STK24: variants seen among roughly 807,000 people sequenced by gnomAD.
The protein encoded by STK24 is serine/threonine-protein kinase 24.
In STK24, 21 loss-of-function variants were observed where a neutral mutation model predicts 55.6. The observed-to-expected ratio is 0.38, with a 90% CI of 0.27 to 0.54. The LOEUF (loss-of-function observed/expected upper bound fraction) is 0.54, where lower values mean the gene tolerates loss of function less well. Ranked by LOEUF, STK24 falls within the 20% of genes least tolerant of loss-of-function variation. The pLI is 0.79. For missense variants in STK24, 383 were observed against 538.4 expected, an observed-to-expected ratio of 0.71 and a Z score of 2.86; for synonymous variants, 200 against 215.2, an observed-to-expected ratio of 0.93 and a Z score of 0.62.
At chr13:98,486,204 TA>T (rs5806065) in intron 2 of STK24, among the ~76,000 whole-genome samples, 69,865 of 145,986 alleles carry the variant, frequency 0.48, 16,942 homozygotes, top group African/African-American at 0.58. Flanking sequence ...TTAAAAGTAT[TA>T]AAAAAAAAAA....
chr13:98,546,843 C>T (rs1897039792), intron 1 of STK24, among the ~76,000 whole-genome samples: 1 of 152,200 alleles, frequency 6.6e-6, no homozygotes, highest in Non-Finnish European at 1.5e-5. Context: ...GTTACTCACA[C>T]CTGAATCTCT....
intron 1 of STK24, among the ~76,000 whole-genome samples, chr13:98,525,751 A>C (rs1223202887): frequency 6.6e-6 from 1 of 152,232 alleles, no homozygotes; most frequent in East Asian, 1.9e-4. Context: ...CTCTGAGGAA[A>C]GGGTTCAGGG....
intron 1 of STK24, among the ~76,000 whole-genome samples, chr13:98,534,147 C>T (rs766332449): frequency 4.6e-5 from 7 of 152,206 alleles, no homozygotes; most frequent in East Asian, 1.9e-4. Context: ...CCAGCACCCC[C>T]GGAGTCCCCA....
At chr13:98,538,465 TCCTCCCGCCTTGG>T (rs1205975448) in intron 1 of STK24, among the ~76,000 whole-genome samples, 4 of 151,970 alleles carry the variant, frequency 2.6e-5, no homozygotes, top group African/African-American at 7.3e-5. Flanking sequence ...CCTCAGGTGA[TCCTCCCGCCTTGG>T]CCTCCCAAAG....
intron 1 of STK24, among the ~76,000 whole-genome samples, chr13:98,550,360 G>C (rs1897129816): frequency 6.6e-6 from 1 of 152,118 alleles, no homozygotes; most frequent in Non-Finnish European, 1.5e-5. Flanking sequence ...GCAACATAGG[G>C]GGAACCTGTC....
At chr13:98,553,545 T>A (rs1157891270) in intron 1 of STK24, 1 of 173,564 alleles carries the variant, frequency 5.8e-6, no homozygotes, top group East Asian at 1.6e-4. Context: ...TTTTTCCAGT[T>A]CTGTTCTGAG....
rs371849583 is a variant in STK24 at position 98,563,336 on chromosome 13, G to A, written c.42+13409C>T. On this transcript the variant is annotated intron_variant, in intron 1 of 10. Coordinates refer to ENST00000539966, the MANE Select transcript of STK24 (RefSeq NM_001032296.4). ...TAAACACAGGCAGTTGGGGGACCGA[G>A]GCCAGGAAATGCAAGTAGTTTCACT... 5.3e-5 allele frequency among the ~76,000 whole-genome samples: 8 copies of A among 152,232 alleles called. No individual in the cohort carries two copies. The East Asian group carries it at 1.4e-3, about 26-fold the overall frequency.
intron 5 of STK24, among the ~76,000 whole-genome samples, chr13:98,473,054 G>A (rs543089546): frequency 4.0e-5 from 6 of 151,454 alleles, no homozygotes; most frequent in South Asian, 4.2e-4. Flanking sequence ...AACACAGCAC[G>A]CTTGCTCCTA....
intron 1 of STK24, chr13:98,542,713 T>G (rs900739849): frequency 2.1e-6 from 1 of 465,918 alleles, no homozygotes; most frequent in Non-Finnish European, 2.8e-6. Context: ...TAGTCCCTTG[T>G]TCCTGGAGTG....
At chr13:98,564,898 G>A (rs554352036) in intron 1 of STK24, among the ~76,000 whole-genome samples, 1 of 152,212 alleles carries the variant, frequency 6.6e-6, no homozygotes, top group Admixed American at 6.5e-5. Context: ...AAGGTTCCAA[G>A]GTCAAAAAGA....
At chr13:98,569,904 T>C (rs545249586) in intron 1 of STK24, among the ~76,000 whole-genome samples, 179 of 140,382 alleles carry the variant, frequency 1.3e-3, no homozygotes, top group African/African-American at 4.6e-3. Context: ...TGAGATGGAG[T>C]TTCACTCTGT....
Position 98,450,961 on chromosome 13 carries a change from G to C in STK24, c.*2212C>G, listed in dbSNP as rs535245836. On this transcript the variant is annotated 3_prime_UTR_variant, in exon 11 of 11. Transcript: ENST00000539966. Reference sequence around the variant, plus strand: ...CCCACCTCCCCCGACAGGAAATGCTGCCAGTCAACTCTAAAAGAACCACTT... The same window carrying C: ...CCCACCTCCCCCGACAGGAAATGCTCCCAGTCAACTCTAAAAGAACCACTT... 3 of 152,374 alleles carry C rather than the reference G, an allele frequency of 2.0e-5. No homozygotes were observed. Among genetic ancestry groups the C allele is most frequent in the African/African-American group, 7.2e-5 (3 of 41,574 alleles). 9.4% of individuals were successfully genotyped at this position (152,374 alleles called of 1,614,324 possible).
chr13:98,576,360 C>T (rs1005170420), intron 1 of STK24: 6 of 352,092 alleles, frequency 1.7e-5, no homozygotes, highest in Non-Finnish European at 2.4e-5. Context: ...CCGGCCACCA[C>T]GCAGGGCCCC....
At chr13:98,546,919 GTTTGTTTT>G (rs1897043712) in intron 1 of STK24, among the ~76,000 whole-genome samples, 3 of 151,464 alleles carry the variant, frequency 2.0e-5, no homozygotes, top group African/African-American at 7.3e-5. Flanking sequence ...TTGTTTGTTT[GTTTGTTTT>G]TGAGATGGAG....
intron 10 of STK24, chr13:98,454,978 C>T (rs1443652238): frequency 6.6e-6 from 1 of 152,232 alleles, no homozygotes; most frequent in Non-Finnish European, 1.5e-5. Context: ...TAGCTACAGA[C>T]CCGCCCGAGG....
intron 5 of STK24, among the ~76,000 whole-genome samples, chr13:98,467,951 T>C: frequency 6.6e-6 from 1 of 152,218 alleles, no homozygotes; most frequent in East Asian, 1.9e-4. Context: ...CTGAGTCTGG[T>C]ACAGCTTTCC....
intron 2 of STK24, among the ~76,000 whole-genome samples, chr13:98,518,722 A>C (rs953928921): frequency 2.6e-4 from 39 of 152,308 alleles, no homozygotes; most frequent in African/African-American, 9.4e-4. Context: ...TTTGTGTCAT[A>C]TTATTATAAC....
intron 1 of STK24, among the ~76,000 whole-genome samples, chr13:98,526,946 C>G (rs576175162): frequency 6.6e-5 from 10 of 152,196 alleles, no homozygotes; most frequent in Non-Finnish European, 8.8e-5. Flanking sequence ...CCTGCTGATA[C>G]CGACCCCATG....
rs1893826182 is a variant in STK24, at chr13:98,463,976, C to T, written c.784-140G>A. On this transcript the variant is annotated intron_variant, in intron 6 of 10. Coordinates refer to ENST00000539966, the MANE Select transcript of STK24 (RefSeq NM_001032296.4). ...CTCTACTCCACAGCGCTTCTCACTG[C>T]AACTCACCCAAAGACGAGTCGCTCA... 8 of 967,988 alleles carry T rather than the reference C, an allele frequency of 8.3e-6. No individual in the cohort carries two copies. The South Asian group carries it at 1.3e-4, about 16-fold the overall frequency. The allele number at this position is 967,988 out of a possible 1,614,324, so 60.0% of individuals were successfully genotyped here. A position where few individuals can be genotyped will look rare whatever the true frequency, so the allele number is the denominator to read the frequency against.
Sources: allele counts gnomAD v4.1 joint callset (sites outside exome capture counted in the v4.1 genomes callset), GRCh38; gene constraint gnomAD v4.1.1; transcripts MANE v1.5; gene names NCBI Gene and HGNC (gene_info 2026-07-23, HGNC 2026-07-21).